Variants in VPS13D observed in about 807,000 individuals in gnomAD.
VPS13D encodes the protein intermembrane lipid transfer protein VPS13D.
Under a neutral mutation model 461.9 loss-of-function variants are expected in VPS13D, and 187 were observed. That is an observed-to-expected ratio of 0.40 (90% CI 0.36 to 0.46). The LOEUF (loss-of-function observed/expected upper bound fraction) is 0.46, where lower values mean the gene tolerates loss of function less well. VPS13D is among the 20% of genes least tolerant of loss of function. The pLI is 0.60. For synonymous variants in VPS13D, 1,951 were observed against 1,986.3 expected (o/e 0.98, Z 0.47); for missense variants, 4,711 against 5,364.9 (o/e 0.88, Z 3.81).
At chr1:12,401,527 T>C (rs1557758203) in intron 61 of VPS13D, 81 bp from the exon 62 acceptor site, 1 of 973,938 alleles carries the variant, frequency 1.0e-6, no homozygotes, top group Non-Finnish European at 1.6e-6. Flanking sequence ...AAGCATACCA[T>C]GTCATTGAGG....
In VPS13D at chr1:12,353,655, G is replaced by T. The variant is rs183936342; in HGVS notation, c.9432-319G>T. Reference sequence around the variant, plus strand: ...CCATAGTGATAAATGTTAGAAAGGGGTTGCCTGAATGATGGAGGAGAATAT... The same window carrying T: ...CCATAGTGATAAATGTTAGAAAGGGTTTGCCTGAATGATGGAGGAGAATAT... On this transcript the variant is annotated intron_variant, in intron 46 of 69. Coordinates refer to ENST00000620676, the MANE Select transcript of VPS13D (RefSeq NM_015378.4). Among the ~76,000 whole-genome samples, 89 of 152,118 alleles carry T rather than the reference G, an allele frequency of 5.9e-4. No individual in the cohort carries two copies. The Middle Eastern group carries it at 0.01, about 17-fold the overall frequency.
Position 12,473,401 on chromosome 1 carries a change from C to T in VPS13D, c.12662+13005C>T, listed in dbSNP as rs75045474. ...GCAAGAAGGGGTTCCGCAGCACTGG[C>T]TGCTTCCGGCATCTGCAGTGCGAGG... On this transcript the variant is annotated intron_variant, in intron 67 of 69. Coordinates refer to ENST00000620676, the MANE Select transcript of VPS13D (RefSeq NM_015378.4). This position sits in a 1 kb window ranked among gnomAD's most constrained non-coding sequence, Gnocchi z 4.2. Among the ~76,000 whole-genome samples, 5,184 of 152,298 alleles carry T rather than the reference C, an allele frequency of 0.034. 180 individuals are homozygous for T. Among genetic ancestry groups the T allele is most frequent in the Admixed American group, 0.11 (1,653 of 15,294 alleles).
At chr1:12,450,173 T>C (rs985834410) in intron 65 of VPS13D, among the ~76,000 whole-genome samples, 1 of 152,148 alleles carries the variant, frequency 6.6e-6, no homozygotes, top group African/African-American at 2.4e-5. Flanking sequence ...TTTTAGCAGA[T>C]GGATAAACTG....
At chr1:12,259,121 A>G (rs1290278691) in intron 10 of VPS13D, among the ~76,000 whole-genome samples, 5 of 151,234 alleles carry the variant, frequency 3.3e-5, no homozygotes, top group Non-Finnish European at 7.4e-5. Context: ...GGTCACTGCA[A>G]CCTCCGTCAC....
In VPS13D at chr1:12,333,226, G is replaced by A. The variant is rs1643374514; in HGVS notation, c.8288G>A (p.Gly2763Asp). The stretch of plus-strand genomic sequence containing the variant: ...TGTCTTATTTCCTGTGTTCTTTTAG[G>A]CTGGGAGCCATTTATTGAGCCTTGG... ...SGDYYNRALS[G>D]WEPFIEPWPC... Residue 2763 changes from glycine (G) to aspartate (D), a missense_variant and splice_region_variant, in exon 38 of 70, where the codon GGC (glycine) becomes GAC (aspartate). By Grantham distance (94) the Gly-to-Asp change is moderately conservative. Around this residue, in one of 3 missense-constraint regions of VPS13D, gnomAD observed 4,411 missense variants for 4,937.8 expected, o/e 0.89. Transcript: ENST00000620676. 6 of 1,613,346 alleles carry A rather than the reference G, an allele frequency of 3.7e-6. No individual in the cohort carries two copies. Among genetic ancestry groups the A allele is most frequent in the Non-Finnish European group, 5.1e-6 (6 of 1,179,684 alleles).
At chr1:12,386,894 A>G (rs1644357119) in intron 60 of VPS13D, among the ~76,000 whole-genome samples, 1 of 152,170 alleles carries the variant, frequency 6.6e-6, no homozygotes, top group Non-Finnish European at 1.5e-5. Flanking sequence ...AGACCAAGCA[A>G]GTACCCAGCA....
At chr1:12,381,223 T>G (rs1448305938) in intron 57 of VPS13D, among the ~76,000 whole-genome samples, 1 of 152,238 alleles carries the variant, frequency 6.6e-6, no homozygotes, top group African/African-American at 2.4e-5. Flanking sequence ...CTGACACTGC[T>G]CTTATTAGGT....
At position 12,311,536 on chromosome 1, in the gene VPS13D, A is replaced by T; in HGVS notation, c.6733A>T (p.Lys2245Ter). ...CTGCTCTCTGGATCTGTATAAATAC[A>T]AGCTGATCCGCGGCTTATTAGAGAA... ...VHCSLDLYKYKLIRGLLENNL... is the reference protein window; with the variant it reads ...VHCSLDLYKY The change falls in exon 28 of 70, where the codon AAG (lysine) becomes TAG (stop). Residue 2245 changes from lysine (K) to a stop codon, truncating the protein, a stop_gained. Coordinates refer to ENST00000620676, the MANE Select transcript of VPS13D (RefSeq NM_015378.4). LOFTEE classifies it high-confidence loss of function. The T allele has an allele frequency of 6.2e-7, 1 of 1,614,168 alleles. No homozygotes were observed. Among genetic ancestry groups the T allele is most frequent in the Non-Finnish European group, 8.5e-7 (1 of 1,180,028 alleles).
At chr1:12,442,877 C>G (rs1294239983) in intron 65 of VPS13D, among the ~76,000 whole-genome samples, 1 of 152,228 alleles carries the variant, frequency 6.6e-6, no homozygotes, top group African/African-American at 2.4e-5. Context: ...GCGTGAGCCA[C>G]CATGCCCAGC....
At chr1:12,456,740 G>A (rs1017624774) in intron 66 of VPS13D, among the ~76,000 whole-genome samples, 4 of 151,740 alleles carry the variant, frequency 2.6e-5, no homozygotes, top group Non-Finnish European at 5.9e-5. Context: ...CCTCCTTGCA[G>A]TTGAAATACG....
intron 17 of VPS13D, among the ~76,000 whole-genome samples, chr1:12,271,341 G>A (rs1175823106): frequency 1.3e-5 from 2 of 152,104 alleles, no homozygotes; most frequent in African/African-American, 4.8e-5. Context: ...ACTAGATTCT[G>A]TGTCTCCTTG....
chr1:12,464,621 C>T (rs568936918), intron 67 of VPS13D, among the ~76,000 whole-genome samples: 14 of 151,760 alleles, frequency 9.2e-5, no homozygotes, highest in Non-Finnish European at 1.9e-4. Flanking sequence ...AGTTCCTCTC[C>T]TTGTTGGAGT....
chr1:12,438,218 G>A (rs1323893025), intron 65 of VPS13D, among the ~76,000 whole-genome samples: 6 of 152,154 alleles, frequency 3.9e-5, no homozygotes. Context: ...TAACCCCAAA[G>A]GTGTTGGTGT....
At chr1:12,490,519 C>T (rs1191855385) in intron 67 of VPS13D, among the ~76,000 whole-genome samples, 3 of 152,232 alleles carry the variant, frequency 2.0e-5, no homozygotes, top group Admixed American at 1.3e-4. Flanking sequence ...TTTTCCACTT[C>T]GTCTTTAGAA....
chr1:12,330,140 C>T (rs981255846), intron 37 of VPS13D, among the ~76,000 whole-genome samples: 3 of 152,128 alleles, frequency 2.0e-5, no homozygotes, highest in African/African-American at 4.8e-5. Flanking sequence ...TTTGGCTGGA[C>T]GTGGTGGCTC....
chr1:12,352,288 C>T (rs1643813710), intron 46 of VPS13D, among the ~76,000 whole-genome samples: 1 of 151,560 alleles, frequency 6.6e-6, no homozygotes, highest in African/African-American at 2.4e-5. Context: ...GAGACTCTGT[C>T]TCAAAAAAAT....
In VPS13D at chr1:12,327,681, A is replaced by G; in HGVS notation, c.8024A>G (p.Lys2675Arg). 1 of 1,614,144 alleles carries G rather than the reference A, an allele frequency of 6.2e-7. No homozygotes were observed. Among genetic ancestry groups the G allele is most frequent in the Non-Finnish European group, 8.5e-7 (1 of 1,180,024 alleles). The change falls in exon 36 of 70, where the codon AAG (lysine) becomes AGG (arginine). Residue 2675 changes from lysine (K) to arginine (R), a missense_variant. Around this residue, in one of 3 missense-constraint regions of VPS13D, gnomAD observed 4,411 missense variants for 4,937.8 expected, o/e 0.89. Coordinates refer to ENST00000620676, the MANE Select transcript of VPS13D (RefSeq NM_015378.4). ...QLKKAASWLF[K>R]NAEPLKSLSL... ...AAAAAGGCAGCAAGTTGGTTGTTTA[A>G]GAATGCGGAACCTCTGAAGTCTCTT...
At chr1:12,386,441 C>A in intron 60 of VPS13D, 107 bp downstream of exon 60, 1 of 1,285,084 alleles carries the variant, frequency 7.8e-7, no homozygotes, top group Non-Finnish European at 1.0e-6. Context: ...GAGGAAATAT[C>A]TTGTGGCCTT....
intron 39 of VPS13D, chr1:12,337,788 A>C (rs1643482942): frequency 6.4e-6 from 1 of 157,420 alleles, no homozygotes; most frequent in African/African-American, 2.4e-5. Flanking sequence ...CTTCCCCTGA[A>C]TTTTTGAGAT....
Sources: gnomAD v4.1 joint callset for allele counts (sites outside exome capture counted in the v4.1 genomes callset) on GRCh38, gnomAD v4.1.1 for gene constraint, gnomAD v4.1.1 regional missense constraint, Gnocchi (gnomAD v3.1) non-coding constraint, MANE v1.5 for transcripts, NCBI Gene and HGNC (gene_info 2026-07-23, HGNC 2026-07-21) for gene names.